Variants in ATP13A4 observed in about 807,000 individuals in gnomAD.
ATP13A4 encodes the protein probable cation-transporting ATPase 13A4.
Under a neutral mutation model 142.5 loss-of-function variants are expected in ATP13A4, and 114 were observed. That is an observed-to-expected ratio of 0.80 (90% CI 0.69 to 0.93). The LOEUF (loss-of-function observed/expected upper bound fraction) is 0.93, where lower values mean the gene tolerates loss of function less well. Ranked by LOEUF, ATP13A4 falls within the 40% of genes least tolerant of loss-of-function variation. ATP13A4 has a pLI of 0.00. For missense variants in ATP13A4, 1,392 were observed against 1,454.0 expected, an observed-to-expected ratio of 0.96 and a Z score of 0.69; for synonymous variants, 488 against 514.8, an observed-to-expected ratio of 0.95 and a Z score of 0.70.
At chr3:193,570,419 G>C (rs1724233891) in intron 2 of ATP13A4, among the ~76,000 whole-genome samples, 1 of 152,136 alleles carries the variant, frequency 6.6e-6, no homozygotes, top group South Asian at 2.1e-4. Context: ...GTCAGGAAAA[G>C]TATTTTATTT....
chr3:193,532,709 C>G (rs1001972841), intron 1 of ATP13A4, among the ~76,000 whole-genome samples: 1 of 151,978 alleles, frequency 6.6e-6, no homozygotes, highest in Non-Finnish European at 1.5e-5. Flanking sequence ...TTCTAGGAGT[C>G]TATCTTAAGG....
intron 7 of ATP13A4, among the ~76,000 whole-genome samples, chr3:193,487,672 A>G (rs925136983): frequency 2.0e-5 from 3 of 152,216 alleles, no homozygotes; most frequent in Non-Finnish European, 2.9e-5. Context: ...TGCCTAGCTT[A>G]TGACTAGGTA....
intron 2 of ATP13A4, among the ~76,000 whole-genome samples, chr3:193,572,530 G>C (rs150421718): frequency 6.6e-6 from 1 of 152,120 alleles, no homozygotes; most frequent in African/African-American, 2.4e-5. Flanking sequence ...TTTAAAAAAC[G>C]AACAGAACAT....
chr3:193,545,695 A>G (rs1680573098), intron 1 of ATP13A4, among the ~76,000 whole-genome samples: 1 of 152,114 alleles, frequency 6.6e-6, no homozygotes, highest in Admixed American at 6.6e-5. Context: ...CAAAGTGCCA[A>G]CTCAAGTTCC....
chr3:193,536,172 A>G (rs1176568880), intron 1 of ATP13A4, among the ~76,000 whole-genome samples: 1 of 152,084 alleles, frequency 6.6e-6, no homozygotes, highest in Non-Finnish European at 1.5e-5. Flanking sequence ...AAATAAGACA[A>G]AGACAGTAAA....
Position 193,465,028 on chromosome 3 carries a change from T to C in ATP13A4, c.1373A>G (p.Gln458Arg). The change falls in exon 12 of 30, where the codon CAG becomes CGG. Residue 458 changes from glutamine (Q) to arginine (R), a missense_variant. Transcript: ENST00000342695. ...AALTTGIIYA[Q>R]RRLKKRGIFC... is the part of the protein sequence containing the mutation. The stretch of plus-strand genomic sequence containing the variant: ...GATGCCTCTCTTCTTCAGCCTCCTC[T>C]GGGCATAGATAATGCCTGTGGTCAG... 1 of 1,614,132 alleles carries C rather than the reference T, an allele frequency of 6.2e-7. No individual in the cohort carries two copies. Among genetic ancestry groups the C allele is most frequent in the East Asian group, 2.2e-5 (1 of 44,880 alleles).
intron 1 of ATP13A4, among the ~76,000 whole-genome samples, chr3:193,540,709 A>G (rs1722847574): frequency 6.8e-6 from 1 of 147,102 alleles, no homozygotes; most frequent in Non-Finnish European, 1.5e-5. Flanking sequence ...TTTATTAAGT[A>G]TTTTAATATG....
At chr3:193,447,044 C>T (rs1241973211) in intron 18 of ATP13A4, among the ~76,000 whole-genome samples, 4 of 151,540 alleles carry the variant, frequency 2.6e-5, no homozygotes, top group South Asian at 2.1e-4. Context: ...AATACTTCAG[C>T]GAAAAAAATT....
In ATP13A4 at chr3:193,414,977, G is replaced by A. The variant is rs189307341; in HGVS notation, c.2843-227C>T. ...TGTCACTTTTGGCCTTATAAATAGG[G>A]AAAAACTATTAAATTACAGAGAAGG... On this transcript the variant is annotated intron_variant, in intron 25 of 29. Coordinates refer to ENST00000342695, the MANE Select transcript of ATP13A4 (RefSeq NM_032279.4). Among the ~76,000 whole-genome samples, 101 of 152,148 alleles carry A rather than the reference G, an allele frequency of 6.6e-4. 1 individual carries two copies. The highest frequency in any genetic ancestry group is 2.3e-3 in the African/African-American group (97 of 41,502).
chr3:193,462,244 AAG>A (rs1717995872), intron 13 of ATP13A4, among the ~76,000 whole-genome samples: 2 of 152,090 alleles, frequency 1.3e-5, no homozygotes, highest in Non-Finnish European at 1.5e-5. Flanking sequence ...AAAAAGAAAA[AAG>A]AGAGTTTCCA....
chr3:193,530,573 C>T (rs1458937839), intron 1 of ATP13A4, among the ~76,000 whole-genome samples: 2 of 152,180 alleles, frequency 1.3e-5, no homozygotes, highest in Non-Finnish European at 2.9e-5. Flanking sequence ...AATACTACCG[C>T]CTTATTGGTT....
At chr3:193,563,800 A>G (rs138326234) in intron 2 of ATP13A4, among the ~76,000 whole-genome samples, 139 of 152,288 alleles carry the variant, frequency 9.1e-4, no homozygotes, top group African/African-American at 3.1e-3. Flanking sequence ...TCATCTGAAC[A>G]ATGTATGACG....
At position 193,399,845 on chromosome 3, in the gene ATP13A4, C is replaced by CAAAAAA. The variant is rs71177402; in HGVS notation, c.*2801_*2806dup. 1.9e-4 allele frequency among the ~76,000 whole-genome samples: 14 copies of CAAAAAA among 72,676 alleles called. No individual in the cohort carries two copies. The highest frequency in any genetic ancestry group is 4.0e-4 in the Admixed American group (2 of 4,952). 47.7% of individuals were successfully genotyped at this position (72,676 alleles called of 152,430 possible). A position where few individuals can be genotyped will look rare whatever the true frequency, so the allele number is the denominator to read the frequency against. ...TGGGCAACAGAGTGAGACTCCATCT[C>CAAAAAA]AAAAAAAAAAAAAAAAAAAAAAGGT... On this transcript the variant is annotated 3_prime_UTR_variant, in exon 30 of 30. Transcript: ENST00000342695.
intron 27 of ATP13A4, 49 bp downstream of exon 27, chr3:193,412,129 T>C: frequency 6.6e-7 from 1 of 1,505,778 alleles, no homozygotes; most frequent in East Asian, 2.3e-5. Context: ...ACATGTCTGT[T>C]CCCCTCTCTG....
At chr3:193,470,167 GC>G (rs1228960720) in intron 9 of ATP13A4, among the ~76,000 whole-genome samples, 1 of 152,128 alleles carries the variant, frequency 6.6e-6, no homozygotes, top group Non-Finnish European at 1.5e-5. Flanking sequence ...TTATCTTACA[GC>G]AATGTCAGCC....
chr3:193,430,739 G>C (rs1319664054), intron 25 of ATP13A4, among the ~76,000 whole-genome samples: 2 of 152,066 alleles, frequency 1.3e-5, no homozygotes, highest in African/African-American at 2.4e-5. Flanking sequence ...ATCAGTGAGT[G>C]GCAATGTGGG....
intron 1 of ATP13A4, among the ~76,000 whole-genome samples, chr3:193,547,175 G>T (rs537651060): frequency 6.6e-6 from 1 of 152,140 alleles, no homozygotes; most frequent in South Asian, 2.1e-4. Context: ...TTTACTCAGC[G>T]TCCTGTCTGA....
intron 29 of ATP13A4, chr3:193,403,941 T>C (rs560839989): frequency 1.1e-4 from 109 of 985,284 alleles, no homozygotes; most frequent in Non-Finnish European, 1.3e-4. Flanking sequence ...TTTCCTAAAA[T>C]CTACCCATTT....
intron 23 of ATP13A4, among the ~76,000 whole-genome samples, chr3:193,438,167 T>C (rs1330021650): frequency 6.6e-6 from 1 of 152,156 alleles, no homozygotes; most frequent in Non-Finnish European, 1.5e-5. Flanking sequence ...AAATAAAAAT[T>C]GAAAAGGAGA....
Sources: allele counts gnomAD v4.1 joint callset (sites outside exome capture counted in the v4.1 genomes callset), GRCh38; gene constraint gnomAD v4.1.1; transcripts MANE v1.5; gene names NCBI Gene and HGNC (gene_info 2026-07-23, HGNC 2026-07-21).